The following TRAF3 variants were observed in gnomAD, a reference collection of about 807,000 sequenced individuals.
The protein encoded by TRAF3 is TNF receptor-associated factor 3.
Under a neutral mutation model 62.3 loss-of-function variants are expected in TRAF3, and 13 were observed. The ratio of observed to expected loss-of-function variants is 0.21; its 90% CI spans 0.14 to 0.33. The LOEUF (loss-of-function observed/expected upper bound fraction) is 0.33, where lower values mean the gene tolerates loss of function less well. Ranked by LOEUF, TRAF3 falls within the 10% of genes least tolerant of loss-of-function variation. TRAF3 has a pLI of 1.00. For missense variants in TRAF3, 440 were observed against 741.8 expected (o/e 0.59, Z 4.73); for synonymous variants, 269 against 283.4 (o/e 0.95, Z 0.51).
At chr14:102,795,582 TGCATG>T (rs1487264375) in intron 1 of TRAF3, among the ~76,000 whole-genome samples, 3 of 42,404 alleles carry the variant, frequency 7.1e-5, no homozygotes, top group Admixed American at 6.8e-4. Context: ...ATGATATGTA[TGCATG>T]ATATGTATAT....
chr14:102,789,329 A>G (rs936118994), intron 1 of TRAF3, among the ~76,000 whole-genome samples: 8 of 152,202 alleles, frequency 5.3e-5, no homozygotes, highest in Admixed American at 1.3e-4. Context: ...ACATTTGTGT[A>G]CAAGTTTCTG....
chr14:102,811,343 A>C (rs908544030), intron 1 of TRAF3, among the ~76,000 whole-genome samples: 2 of 149,190 alleles, frequency 1.3e-5, no homozygotes, highest in Admixed American at 6.8e-5. Context: ...ATGTTGCCTC[A>C]GGCGGGAGTG....
chr14:102,889,671 A>T, intron 8 of TRAF3, 37 bp downstream of exon 8: 1 of 1,603,466 alleles, frequency 6.2e-7, no homozygotes, highest in South Asian at 1.1e-5. Context: ...AGTCACTGAC[A>T]TTCTGCCATG....
At chr14:102,873,579 C>A (rs1888468261) in intron 4 of TRAF3, among the ~76,000 whole-genome samples, 1 of 152,188 alleles carries the variant, frequency 6.6e-6, no homozygotes, top group Non-Finnish European at 1.5e-5. Flanking sequence ...AAGTTGTGGA[C>A]CCTCATGGAG....
At chr14:102,836,379 G>T (rs1238434875) in intron 2 of TRAF3, among the ~76,000 whole-genome samples, 3 of 152,210 alleles carry the variant, frequency 2.0e-5, no homozygotes, top group South Asian at 4.1e-4. Flanking sequence ...GTTGAGAATA[G>T]AATATTTTAT....
Position 102,795,598 on chromosome 14 carries a change from A to ATGTGTG in TRAF3, c.-157+17940_-157+17945dup, listed in dbSNP as rs58263343. ...TGATATGTATGCATGATATGTATATATGTGTGTGTGTGTGTGTGTGTGCAT... is the reference window on the plus strand; with the variant it reads ...TGATATGTATGCATGATATGTATATATGTGTGTGTGTGTGTGTGTGTGTGTGTGCAT... On this transcript the variant is annotated intron_variant, in intron 1 of 11. Coordinates refer to ENST00000392745, the MANE Select transcript of TRAF3 (RefSeq NM_145725.3). 9.8e-4 allele frequency among the ~76,000 whole-genome samples: 147 copies of ATGTGTG among 149,308 alleles called. 1 individual carries two copies. In the East Asian group the frequency reaches 0.018, roughly 18 times the overall value.
At chr14:102,859,945 T>A (rs1334079154) in intron 2 of TRAF3, among the ~76,000 whole-genome samples, 1 of 152,200 alleles carries the variant, frequency 6.6e-6, no homozygotes, top group Non-Finnish European at 1.5e-5. Flanking sequence ...GGTCCCATTT[T>A]TATATTGATC....
chr14:102,796,108 T>G (rs934603360), intron 1 of TRAF3, among the ~76,000 whole-genome samples: 3 of 152,120 alleles, frequency 2.0e-5, no homozygotes, highest in Non-Finnish European at 4.4e-5. Flanking sequence ...TCCCAGCTAC[T>G]TGGGAGGCTG....
chr14:102,861,893 TTGTC>T (rs1484914846), intron 2 of TRAF3, among the ~76,000 whole-genome samples: 1 of 152,188 alleles, frequency 6.6e-6, no homozygotes, highest in African/African-American at 2.4e-5. Flanking sequence ...TAAAATTGGG[TTGTC>T]TTTTTGTGGT....
At chr14:102,814,438 T>C (rs1396934483) in intron 1 of TRAF3, among the ~76,000 whole-genome samples, 1 of 152,242 alleles carries the variant, frequency 6.6e-6, no homozygotes, top group African/African-American at 2.4e-5. Context: ...TGCAGTTTCA[T>C]ACAAATTTTA....
intron 1 of TRAF3, among the ~76,000 whole-genome samples, chr14:102,803,022 T>G (rs1464341982): frequency 6.6e-6 from 1 of 151,972 alleles, no homozygotes; most frequent in East Asian, 1.9e-4. Flanking sequence ...TGTAAAACCA[T>G]CAGATCTCGT....
At chr14:102,803,311 C>T (rs1898557952) in intron 1 of TRAF3, among the ~76,000 whole-genome samples, 1 of 152,090 alleles carries the variant, frequency 6.6e-6, no homozygotes, top group Non-Finnish European at 1.5e-5. Flanking sequence ...TTTCTTTTCA[C>T]CCAGATGGTG....
At chr14:102,797,051 C>G (rs888601815) in intron 1 of TRAF3, among the ~76,000 whole-genome samples, 1 of 152,180 alleles carries the variant, frequency 6.6e-6, no homozygotes, top group African/African-American at 2.4e-5. Context: ...TTGAGGCCTA[C>G]AGAGGGTAGT....
intron 1 of TRAF3, among the ~76,000 whole-genome samples, chr14:102,789,235 A>T (rs1292142370): frequency 1.3e-5 from 2 of 152,210 alleles, no homozygotes; most frequent in African/African-American, 4.8e-5. Flanking sequence ...CATTGTATGT[A>T]CATACATGCC....
intron 2 of TRAF3, among the ~76,000 whole-genome samples, chr14:102,841,436 G>GT (rs1339565168): frequency 6.6e-6 from 1 of 152,226 alleles, no homozygotes; most frequent in African/African-American, 2.4e-5. Context: ...ACCCAGGGTG[G>GT]TCTCAGGTAG....
intron 6 of TRAF3, among the ~76,000 whole-genome samples, chr14:102,879,493 A>G (rs1888918539): frequency 6.6e-6 from 1 of 151,938 alleles, no homozygotes; most frequent in Non-Finnish European, 1.5e-5. Context: ...TCCTGGGCTT[A>G]AGCCATCTGC....
At position 102,876,543 on chromosome 14, in the gene TRAF3, C is replaced by T. The variant is rs771659712; in HGVS notation, c.570+18C>T. 2.5e-6 allele frequency: 4 copies of T among 1,611,684 alleles called. No individual in the cohort carries two copies. Among genetic ancestry groups the T allele is most frequent in the Non-Finnish European group, 3.4e-6 (4 of 1,179,294 alleles). On this transcript the variant is annotated intron_variant, in intron 6 of 11. Coordinates refer to ENST00000392745, the MANE Select transcript of TRAF3 (RefSeq NM_145725.3). ...CGCTGCAGGTGCGGGTCCTCCCATT[C>T]CACAGGCCTTCCACTCAATTCCTAT...
chr14:102,890,483 G>C (rs1566800896), intron 8 of TRAF3, among the ~76,000 whole-genome samples: 1 of 152,056 alleles, frequency 6.6e-6, no homozygotes, highest in South Asian at 2.1e-4. Context: ...AGCCTCCCCT[G>C]TTCTGTCGTA....
At chr14:102,860,541 G>A (rs950406439) in intron 2 of TRAF3, among the ~76,000 whole-genome samples, 14 of 152,096 alleles carry the variant, frequency 9.2e-5, no homozygotes, top group Admixed American at 2.0e-4. Flanking sequence ...CTTTAGCCAC[G>A]CCAAACTGCC....
Sources: gnomAD v4.1 joint callset for allele counts (sites outside exome capture counted in the v4.1 genomes callset) on GRCh38, gnomAD v4.1.1 for gene constraint, MANE v1.5 for transcripts, NCBI Gene and HGNC (gene_info 2026-07-23, HGNC 2026-07-21) for gene names.